Variants in GRM7 observed in about 807,000 individuals in gnomAD.
The protein encoded by GRM7 is glutamate metabotropic receptor 7, also known as metabotropic glutamate receptor 7.
In GRM7, 35 loss-of-function variants were observed where a neutral mutation model predicts 84.5. The ratio of observed to expected loss-of-function variants is 0.41; its 90% CI spans 0.32 to 0.55. The LOEUF is 0.55. GRM7 is among the 20% of genes least tolerant of loss of function. GRM7 has a pLI of 0.19. For synonymous variants in GRM7, 487 were observed against 455.1 expected (o/e 1.07, Z -0.89); for missense variants, 1,003 against 1,194.6 (o/e 0.84, Z 2.36).
chr3:7,678,624 A>AT (rs1700233403), intron 8 of GRM7, among the ~76,000 whole-genome samples: 1 of 152,224 alleles, frequency 6.6e-6, no homozygotes, highest in Non-Finnish European at 1.5e-5. Flanking sequence ...TTAATTCAAC[A>AT]TTGTTTTGTC....
At chr3:7,014,498 C>A (rs879311193) in intron 1 of GRM7, among the ~76,000 whole-genome samples, 1 of 151,980 alleles carries the variant, frequency 6.6e-6, no homozygotes, top group Non-Finnish European at 1.5e-5. Context: ...TGCACCACCA[C>A]GCCCAGCTAA....
chr3:7,451,343 T>G (rs1329664515), intron 5 of GRM7, among the ~76,000 whole-genome samples: 1 of 152,204 alleles, frequency 6.6e-6, no homozygotes, highest in Non-Finnish European at 1.5e-5. Context: ...GATTCTATAT[T>G]GACAGTGCTA....
intron 8 of GRM7, among the ~76,000 whole-genome samples, chr3:7,666,687 G>A (rs1280523070): frequency 6.6e-6 from 1 of 152,184 alleles, no homozygotes; most frequent in Admixed American, 6.5e-5. Context: ...ATCTGAGACA[G>A]GTGAGGGCAT....
intron 1 of GRM7, among the ~76,000 whole-genome samples, chr3:6,936,762 T>C (rs2125051482): frequency 6.6e-6 from 1 of 152,296 alleles, no homozygotes; most frequent in South Asian, 2.1e-4. Flanking sequence ...AATGGCAGCC[T>C]AGTAATCCAT....
chr3:7,081,190 T>G (rs967581751), intron 1 of GRM7, among the ~76,000 whole-genome samples: 10 of 152,074 alleles, frequency 6.6e-5, no homozygotes, highest in African/African-American at 1.9e-4. Context: ...TCAGATACTG[T>G]TTTTTATAAA....
chr3:7,313,613 T>A (rs1053243847), intron 4 of GRM7, among the ~76,000 whole-genome samples: 1 of 152,182 alleles, frequency 6.6e-6, no homozygotes, highest in East Asian at 1.9e-4. Flanking sequence ...AAATGATGAT[T>A]TTTTTAAAAA....
chr3:7,028,930 C>T (rs1265599851), intron 1 of GRM7, among the ~76,000 whole-genome samples: 2 of 152,174 alleles, frequency 1.3e-5, no homozygotes, highest in African/African-American at 4.8e-5. Flanking sequence ...GAACCCTGTG[C>T]ACTGCTGTTG....
At chr3:7,372,277 T>C (rs775781930) in intron 4 of GRM7, among the ~76,000 whole-genome samples, 1 of 152,168 alleles carries the variant, frequency 6.6e-6, no homozygotes, top group Non-Finnish European at 1.5e-5. Context: ...TAAAGACGTT[T>C]GTGTGTATTT....
chr3:7,291,090 A>G (rs1166192828), intron 2 of GRM7, among the ~76,000 whole-genome samples: 2 of 150,820 alleles, frequency 1.3e-5, no homozygotes, highest in African/African-American at 2.4e-5. Flanking sequence ...CAGCATCCTC[A>G]CTGCAGCAGT....
intron 8 of GRM7, among the ~76,000 whole-genome samples, chr3:7,643,038 GGC>G (rs1698433987): frequency 6.6e-6 from 1 of 152,044 alleles, no homozygotes; most frequent in Non-Finnish European, 1.5e-5. Flanking sequence ...CTTAAGACGG[GGC>G]TTTTTGCAGT....
intron 7 of GRM7, among the ~76,000 whole-genome samples, chr3:7,510,594 G>C (rs2124976651): frequency 6.6e-6 from 1 of 152,218 alleles, no homozygotes; most frequent in South Asian, 2.1e-4. Flanking sequence ...AAATTGGCTT[G>C]GGTAAGATTA....
intron 7 of GRM7, among the ~76,000 whole-genome samples, chr3:7,493,473 T>C (rs961415988): frequency 6.6e-6 from 1 of 151,994 alleles, no homozygotes; most frequent in African/African-American, 2.4e-5. Context: ...TTTTATCAAA[T>C]ATTAATATAG....
intron 8 of GRM7, among the ~76,000 whole-genome samples, chr3:7,662,089 A>T (rs998059373): frequency 5.3e-5 from 8 of 152,228 alleles, no homozygotes; most frequent in Non-Finnish European, 8.8e-5. Flanking sequence ...TGAAATATTG[A>T]TACATGCAAT....
intron 5 of GRM7, among the ~76,000 whole-genome samples, chr3:7,437,945 A>G (rs1333444641): frequency 6.6e-6 from 1 of 152,126 alleles, no homozygotes; most frequent in Admixed American, 6.6e-5. Flanking sequence ...GAAAGAGGAA[A>G]TTAGAATATG....
intron 4 of GRM7, among the ~76,000 whole-genome samples, chr3:7,321,010 A>T (rs1405651977): frequency 6.6e-6 from 1 of 151,940 alleles, no homozygotes; most frequent in Non-Finnish European, 1.5e-5. Context: ...CTAATGTACC[A>T]TTTTGACAAA....
rs573986766 is a variant in GRM7 at position 7,110,538 on chromosome 3, T to C, written c.520-35914T>C. On this transcript the variant is annotated intron_variant, in intron 1 of 9. Coordinates refer to ENST00000357716, the MANE Select transcript of GRM7 (RefSeq NM_000844.4). ...TGAACCTGGGAGGTGGAGATTGCAG[T>C]GAGCCAAGATTGTGCCACTATACTC... Among the ~76,000 whole-genome samples the C allele has an allele frequency of 3.3e-5, 5 of 151,642 alleles. No homozygotes were observed. In the East Asian group the frequency reaches 9.7e-4, roughly 30 times the overall value.
intron 8 of GRM7, among the ~76,000 whole-genome samples, chr3:7,652,375 CT>C (rs1187770266): frequency 6.6e-6 from 1 of 152,110 alleles, no homozygotes; most frequent in African/African-American, 2.4e-5. Context: ...GAGAGGGCCA[CT>C]TTGGGTGGGT....
rs1056257583 is a variant in GRM7, at chr3:7,571,772, T to G, written c.1516-6650T>G. Among the ~76,000 whole-genome samples the G allele has an allele frequency of 2.0e-5, 3 of 152,184 alleles. No individual in the cohort carries two copies. In the South Asian group the frequency reaches 6.2e-4, roughly 32 times the overall value. On this transcript the variant is annotated intron_variant, in intron 7 of 9. Coordinates refer to ENST00000357716, the MANE Select transcript of GRM7 (RefSeq NM_000844.4). ...TACCAGTTTACTGTATTAGTTTGTT[T>G]TCATGCTACTGATAGAGACATACCC...
intron 4 of GRM7, among the ~76,000 whole-genome samples, chr3:7,365,601 G>A (rs987216832): frequency 3.4e-5 from 5 of 146,244 alleles, no homozygotes; most frequent in African/African-American, 1.3e-4. Flanking sequence ...GTCTTTCATG[G>A]TCCATACAGT....
Sources: gnomAD v4.1 joint callset for allele counts (sites outside exome capture counted in the v4.1 genomes callset) on GRCh38, gnomAD v4.1.1 for gene constraint, MANE v1.5 for transcripts, NCBI Gene and HGNC (gene_info 2026-07-23, HGNC 2026-07-21) for gene names.